FBXO32: variants seen among roughly 807,000 people sequenced by gnomAD.
FBXO32 encodes F-box only protein 32.
FBXO32 carries 15 observed loss-of-function variants against 48.3 expected under a neutral mutation model. The observed-to-expected ratio is 0.31, with a 90% confidence interval of 0.21 to 0.48. The LOEUF is 0.48. FBXO32 is among the 20% of genes least tolerant of loss of function. The pLI is 0.99. For missense variants in FBXO32, 309 were observed against 432.7 expected (o/e 0.71, Z 2.54); for synonymous variants, 154 against 165.9 (o/e 0.93, Z 0.55).
chr8:123,529,929 A>T (rs902721476), intron 4 of FBXO32, among the ~76,000 whole-genome samples: 3 of 152,220 alleles, frequency 2.0e-5, no homozygotes, highest in Non-Finnish European at 1.5e-5. Flanking sequence ...ATCAGATCTA[A>T]GTGTCTTCCT....
rs528396131 is a variant in FBXO32, at chr8:123,528,431, T to C, written c.372+3467A>G. Among the ~76,000 whole-genome samples the C allele has an allele frequency of 5.3e-5, 8 of 152,314 alleles. No homozygotes were observed. In the East Asian group the frequency reaches 1.5e-3, roughly 29 times the overall value. On this transcript the variant is annotated intron_variant, in intron 4 of 8. Transcript: ENST00000517956. ...CCTCAAGGGAATTTCCAAAATGTGT[T>C]GGTCTTGAGGTATAGGGTAAACTAT...
chr8:123,529,616 A>G (rs1817158240), intron 4 of FBXO32, among the ~76,000 whole-genome samples: 2 of 152,178 alleles, frequency 1.3e-5, no homozygotes, highest in South Asian at 4.1e-4. Context: ...CAGATAACTC[A>G]TGGTAGCAGT....
intron 4 of FBXO32, among the ~76,000 whole-genome samples, chr8:123,518,672 G>C (rs1300550118): frequency 6.6e-6 from 1 of 152,104 alleles, no homozygotes; most frequent in Non-Finnish European, 1.5e-5. Flanking sequence ...TTGTAATCTT[G>C]TTTATCTTTT....
chr8:123,506,496 G>T lies in FBXO32; in HGVS notation c.730C>A (p.Arg244=). 1 of 1,614,018 alleles carries T rather than the reference G, an allele frequency of 6.2e-7. No homozygotes were observed. The highest frequency in any genetic ancestry group is 8.5e-7 in the Non-Finnish European group (1 of 1,179,964). The change falls in exon 7 of 9, where the codon CGG becomes AGG. Residue 244 remains arginine, a synonymous_variant. Coordinates refer to ENST00000517956, the MANE Select transcript of FBXO32 (RefSeq NM_058229.4). The surrounding 1 kb of genome is among the most constrained non-coding windows in gnomAD (Gnocchi z 4.0). ...GCCTGGCCCAGGCTGACCAGGTCCC[G>T]CCCGTCGCTCAGCCTCTGCATGATG... is the stretch of plus-strand genomic sequence containing the variant. ...LNIMQRLSDG[R]DLVSLGQAAP... is the part of the protein sequence containing the mutation.
At position 123,506,600 on chromosome 8, in the gene FBXO32, TG is replaced by T. The variant is rs765556476; in HGVS notation, c.652-27del. The T allele has an allele frequency of 3.9e-6, 6 of 1,556,036 alleles. No individual in the cohort carries two copies. In the African/African-American group the frequency reaches 4.1e-5, roughly 11 times the overall value. ...CTGCAGAGAGAAGGGTGACAATAGG[TG>T]GGGGGGCCAGAGAGCAGCGATTCAC... is the stretch of plus-strand genomic sequence containing the variant. On this transcript the variant is annotated intron_variant, in intron 6 of 8. Coordinates refer to ENST00000517956, the MANE Select transcript of FBXO32 (RefSeq NM_058229.4). The surrounding 1 kb of genome is among the most constrained non-coding windows in gnomAD (Gnocchi z 4.0).
At chr8:123,534,952 A>C in intron 1 of FBXO32, 138 bp from the exon 2 acceptor site, 3 of 537,242 alleles carry the variant, frequency 5.6e-6, no homozygotes, top group Non-Finnish European at 3.3e-6. Flanking sequence ...TAAAATGATC[A>C]CTCAAAGAAA....
chr8:123,523,984 G>A (rs1211940191), intron 4 of FBXO32, among the ~76,000 whole-genome samples: 3 of 152,170 alleles, frequency 2.0e-5, no homozygotes, highest in Admixed American at 6.5e-5. Context: ...CAACACTGCA[G>A]GGTAGACATC....
intron 4 of FBXO32, among the ~76,000 whole-genome samples, chr8:123,530,885 G>A (rs1464432684): frequency 4.0e-5 from 6 of 151,330 alleles, no homozygotes; most frequent in African/African-American, 1.2e-4. Flanking sequence ...CCAAAGTGCT[G>A]GGATTACAGG....
intron 4 of FBXO32, among the ~76,000 whole-genome samples, chr8:123,522,650 A>C (rs1816980710): frequency 6.6e-6 from 1 of 152,168 alleles, no homozygotes; most frequent in Non-Finnish European, 1.5e-5. Context: ...CTATAGGCTG[A>C]ATGTCACATC....
intron 6 of FBXO32, among the ~76,000 whole-genome samples, chr8:123,509,145 G>T (rs1586989590): frequency 1.3e-5 from 2 of 151,836 alleles, no homozygotes; most frequent in African/African-American, 2.4e-5. Flanking sequence ...TAATTATTTT[G>T]CCAATAAAAA....
intron 1 of FBXO32, 106 bp from the exon 2 acceptor site, chr8:123,534,920 C>G: frequency 1.7e-6 from 1 of 602,402 alleles, no homozygotes; most frequent in Non-Finnish European, 2.9e-6. Context: ...AACATACAGG[C>G]TTCTCAAACA....
chr8:123,533,512 C>T (rs1053117347), intron 2 of FBXO32, among the ~76,000 whole-genome samples: 3 of 152,112 alleles, frequency 2.0e-5, no homozygotes, highest in Middle Eastern at 3.4e-3. Context: ...AGCATTATGC[C>T]ATAAGAAATT....
intron 3 of FBXO32, chr8:123,532,238 C>T: frequency 8.3e-7 from 1 of 1,201,890 alleles, no homozygotes; most frequent in Non-Finnish European, 1.1e-6. Context: ...GTGACTTGTA[C>T]CATTTGGGAC....
At chr8:123,534,440 C>A (rs1817272191) in intron 2 of FBXO32, among the ~76,000 whole-genome samples, 1 of 152,072 alleles carries the variant, frequency 6.6e-6, no homozygotes, top group African/African-American at 2.4e-5. Flanking sequence ...TAACCTATGT[C>A]AAATACGAAT....
In FBXO32 at chr8:123,500,516, G is replaced by A. The variant is rs1464871260; in HGVS notation, c.*2857C>T. The A allele has an allele frequency of 6.6e-6, 1 of 152,160 alleles. No homozygotes were observed. The highest frequency in any genetic ancestry group is 1.5e-5 in the Non-Finnish European group (1 of 68,044). The allele number at this position is 152,160 out of a possible 1,614,324, so 9.4% of individuals were successfully genotyped here. A position where few individuals can be genotyped will look rare whatever the true frequency, so the allele number is the denominator to read the frequency against. On this transcript the variant is annotated 3_prime_UTR_variant, in exon 9 of 9. Transcript: ENST00000517956. ...AGGGATTATTTGCTTTTGTTTGATAGGTCAGGTTGTCTGGGATGGTTTGCC... is the reference window on the plus strand; with the variant it reads ...AGGGATTATTTGCTTTTGTTTGATAAGTCAGGTTGTCTGGGATGGTTTGCC...
intron 6 of FBXO32, among the ~76,000 whole-genome samples, chr8:123,507,284 TGAAG>T (rs911497479): frequency 6.6e-6 from 1 of 152,190 alleles, no homozygotes; most frequent in African/African-American, 2.4e-5. Context: ...TTAAGCTCTA[TGAAG>T]GAAGGAATTT....
intron 4 of FBXO32, among the ~76,000 whole-genome samples, chr8:123,526,116 C>G (rs1817070088): frequency 6.6e-6 from 1 of 152,108 alleles, no homozygotes; most frequent in South Asian, 2.1e-4. Context: ...CCTCATCTTA[C>G]CTAGGAGCAG....
intron 4 of FBXO32, 126 bp downstream of exon 4, chr8:123,531,772 C>T: frequency 8.9e-7 from 1 of 1,128,934 alleles, no homozygotes; most frequent in Non-Finnish European, 1.2e-6. Context: ...GGTCTGTTTT[C>T]TGCTTGCCTC....
intron 4 of FBXO32, among the ~76,000 whole-genome samples, chr8:123,514,692 G>A (rs1308365463): frequency 1.3e-5 from 2 of 152,166 alleles, no homozygotes; most frequent in Non-Finnish European, 2.9e-5. Context: ...ATCACCTCCC[G>A]GGGGAATTCT....
Sources: gnomAD v4.1 joint callset for allele counts (sites outside exome capture counted in the v4.1 genomes callset) on GRCh38, gnomAD v4.1.1 for gene constraint, Gnocchi (gnomAD v3.1) non-coding constraint, MANE v1.5 for transcripts, NCBI Gene and HGNC (gene_info 2026-07-23, HGNC 2026-07-21) for gene names.